TEKT3: variants seen among roughly 807,000 people sequenced by gnomAD.
The protein encoded by TEKT3 is tektin 3.
A neutral mutation model predicts 49.8 loss-of-function variants in TEKT3; 49 were observed. The ratio of observed to expected loss-of-function variants is 0.98; its 90% CI spans 0.78 to 1.25. The LOEUF (loss-of-function observed/expected upper bound fraction) is 1.25. TEKT3 is among the 50% of genes most tolerant of loss of function. The pLI is 0.00. For synonymous variants in TEKT3, 225 were observed against 237.2 expected (o/e 0.95, Z 0.47); for missense variants, 595 against 629.5 (o/e 0.95, Z 0.59).
intron 2 of TEKT3, among the ~76,000 whole-genome samples, chr17:15,339,081 A>AG (rs1399407525): frequency 6.6e-6 from 1 of 152,182 alleles, no homozygotes; most frequent in African/African-American, 2.4e-5. Flanking sequence ...TTATGTTATA[A>AG]GGGGTCTGAC....
In TEKT3 at chr17:15,308,778, G is replaced by A. The variant is rs931027960; in HGVS notation, c.1142C>T (p.Ser381Phe). Reference sequence around the variant, plus strand: ...CTTGTCCTTGATGGCCTTCTTGATGGATTCTATGGTCATTTCAGTCTGGAA... The same window carrying A: ...CTTGTCCTTGATGGCCTTCTTGATGAATTCTATGGTCATTTCAGTCTGGAA... ...EIFQTEMTIE[S>F]IKKAIKDKTA... The change falls in exon 8 of 9, where the codon TCC becomes TTC. Residue 381 changes from serine (S) to phenylalanine (F), a missense_variant. Transcript: ENST00000395930. 2 of 1,613,972 alleles carry A rather than the reference G, an allele frequency of 1.2e-6. No homozygotes were observed. The highest frequency in any genetic ancestry group is 8.5e-7 in the Non-Finnish European group (1 of 1,180,030).
At chr17:15,334,710 G>A (rs1911914362) in intron 2 of TEKT3, among the ~76,000 whole-genome samples, 1 of 152,214 alleles carries the variant, frequency 6.6e-6, no homozygotes, top group Non-Finnish European at 1.5e-5. Context: ...ATGTACGGCA[G>A]TCAGTTTCAT....
At chr17:15,308,564 A>G in intron 8 of TEKT3, 100 bp downstream of exon 8, 1 of 1,478,108 alleles carries the variant, frequency 6.8e-7, no homozygotes. Flanking sequence ...AGGCTCCTAC[A>G]TGCTGCGTAT....
At chr17:15,339,796 G>A (rs561405729) in intron 2 of TEKT3, among the ~76,000 whole-genome samples, 63 of 152,150 alleles carry the variant, frequency 4.1e-4, no homozygotes, top group African/African-American at 1.4e-3. Flanking sequence ...AAATAGGAGC[G>A]GAAATAAAAC....
At chr17:15,308,501 A>T (rs1160821754) in intron 8 of TEKT3, among the ~76,000 whole-genome samples, 163 bp downstream of exon 8, 1 of 152,198 alleles carries the variant, frequency 6.6e-6, no homozygotes, top group African/African-American at 2.4e-5. Context: ...TCATCATCCC[A>T]CACTGAAACT....
In TEKT3 at chr17:15,331,522, A is replaced by T. The variant is rs1231468122; in HGVS notation, c.64T>A (p.Phe22Ile). 6.2e-7 allele frequency: 1 copy of T among 1,614,096 alleles called. No individual in the cohort carries two copies. The highest frequency in any genetic ancestry group is 8.5e-7 in the Non-Finnish European group (1 of 1,180,006). ...GCCATGGTACTGATGGCTGGTAGAAAGTTGGTTGGTGTTGGTCTAGGGTGG... is the reference window on the plus strand; with the variant it reads ...GCCATGGTACTGATGGCTGGTAGAATGTTGGTTGGTGTTGGTCTAGGGTGG... ...YAHPRPTPTNFLPAISTMASS... is the reference protein window; with the variant it reads ...YAHPRPTPTNILPAISTMASS... The change falls in exon 3 of 9, where the codon TTT becomes ATT. Residue 22 changes from phenylalanine (F) to isoleucine (I), a missense_variant. Phe to Ile is a conservative substitution (Grantham distance 21, BLOSUM62 0). Coordinates refer to ENST00000395930, the MANE Select transcript of TEKT3 (RefSeq NM_031898.3).
At chr17:15,331,719 C>T (rs2073453986) in intron 2 of TEKT3, 105 bp from the exon 3 acceptor site, 5 of 794,106 alleles carry the variant, frequency 6.3e-6, no homozygotes, top group Non-Finnish European at 9.7e-6. Context: ...GCAGAGGCCC[C>T]GAACACATTA....
chr17:15,318,022 C>T (rs536415628), intron 5 of TEKT3, among the ~76,000 whole-genome samples: 3 of 136,922 alleles, frequency 2.2e-5, no homozygotes, highest in African/African-American at 8.4e-5. Flanking sequence ...CGGAGTCTCG[C>T]TCCGTCGCCC....
upstream of TEKT3, chr17:15,341,778 C>T (rs1259733247): frequency 6.6e-6 from 1 of 152,472 alleles, no homozygotes; most frequent in East Asian, 1.9e-4. Flanking sequence ...TGGACGCGCT[C>T]ACGCTTAGTA....
chr17:15,305,159 C>T (rs988332863), intron 8 of TEKT3, among the ~76,000 whole-genome samples: 3 of 152,076 alleles, frequency 2.0e-5, no homozygotes, highest in African/African-American at 7.2e-5. Flanking sequence ...AGAACAAGAC[C>T]CAGACCCAAG....
At position 15,319,828 on chromosome 17, in the gene TEKT3, C is replaced by A. The variant is rs541005274; in HGVS notation, c.664-681G>T. 4.6e-5 allele frequency among the ~76,000 whole-genome samples: 7 copies of A among 152,278 alleles called. No individual in the cohort carries two copies. The South Asian group carries it at 1.5e-3, about 32-fold the overall frequency. ...AACATTTATTTCCCCCTTGAAATTT[C>A]TATGCACGTTAGAAAATGTAGCACA... On this transcript the variant is annotated intron_variant, in intron 4 of 8. Coordinates refer to ENST00000395930, the MANE Select transcript of TEKT3 (RefSeq NM_031898.3).
At chr17:15,339,305 G>A (rs770211984) in intron 2 of TEKT3, among the ~76,000 whole-genome samples, 15 of 152,172 alleles carry the variant, frequency 9.9e-5, no homozygotes, top group South Asian at 4.2e-4. Context: ...ATAAATCTCC[G>A]CCTTTATAAA....
At chr17:15,312,526 C>T (rs2150736410) in intron 6 of TEKT3, 45 bp from the exon 7 acceptor site, 1 of 1,568,324 alleles carries the variant, frequency 6.4e-7, no homozygotes, top group Non-Finnish European at 8.8e-7. Flanking sequence ...AGTGATGAAT[C>T]AGCCTACAGG....
intron 4 of TEKT3, among the ~76,000 whole-genome samples, chr17:15,323,896 A>G (rs900387293): frequency 2.0e-5 from 3 of 152,224 alleles, no homozygotes; most frequent in Admixed American, 1.3e-4. Context: ...GAAACCTCTA[A>G]TGCAGTGGTT....
In TEKT3 at chr17:15,325,571, T is replaced by C. The variant is rs1010207717; in HGVS notation, c.663+2421A>G. On this transcript the variant is annotated intron_variant, in intron 4 of 8. Transcript: ENST00000395930. ...CATCTCTGGGTGTGGGACCCAGCCA[T>C]TGATATTTTTAAAATCTTTGCCAGG... Among the ~76,000 whole-genome samples, 86 of 152,194 alleles carry C rather than the reference T, an allele frequency of 5.7e-4. 3 individuals are homozygous for C. Among genetic ancestry groups the C allele is most frequent in the South Asian group, 4.1e-4 (2 of 4,822 alleles).
At chr17:15,340,991 G>C (rs1276138738) in intron 1 of TEKT3, among the ~76,000 whole-genome samples, 1 of 152,134 alleles carries the variant, frequency 6.6e-6, no homozygotes, top group African/African-American at 2.4e-5. Flanking sequence ...AAACACAAGC[G>C]AAAGCTTTGC....
In TEKT3 at chr17:15,317,519, A is replaced by T. The variant is rs556400453; in HGVS notation, c.734+1558T>A. 6.4e-4 allele frequency among the ~76,000 whole-genome samples: 97 copies of T among 152,308 alleles called. 1 individual carries two copies. Among genetic ancestry groups the T allele is most frequent in the African/African-American group, 1.9e-3 (80 of 41,552 alleles). ...CAAATTAAAAAACCCTTCCAGTCACAGCTCGAGAGAATCTCAGCGTACAAA... is the reference window on the plus strand; with the variant it reads ...CAAATTAAAAAACCCTTCCAGTCACTGCTCGAGAGAATCTCAGCGTACAAA... On this transcript the variant is annotated intron_variant, in intron 5 of 8. Transcript: ENST00000395930.
intron 2 of TEKT3, among the ~76,000 whole-genome samples, chr17:15,335,659 C>T (rs1193315141): frequency 1.3e-5 from 2 of 152,136 alleles, no homozygotes; most frequent in South Asian, 2.1e-4. Context: ...AATGACCAGA[C>T]ATAATAAGGA....
intron 4 of TEKT3, among the ~76,000 whole-genome samples, chr17:15,322,860 C>A (rs1409100128): frequency 6.6e-6 from 1 of 152,186 alleles, no homozygotes; most frequent in Non-Finnish European, 1.5e-5. Context: ...ATGATAGATT[C>A]ACCAAATATT....
Sources: gnomAD v4.1 joint callset for allele counts (sites outside exome capture counted in the v4.1 genomes callset) on GRCh38, gnomAD v4.1.1 for gene constraint, MANE v1.5 for transcripts, NCBI Gene and HGNC (gene_info 2026-07-23, HGNC 2026-07-21) for gene names.